Variants in MINDY4 observed in about 807,000 individuals in gnomAD.
The protein encoded by MINDY4 is MINDY lysine 48 deubiquitinase 4.
In MINDY4, 68 loss-of-function variants were observed where a neutral mutation model predicts 87.0. The ratio of observed to expected loss-of-function variants is 0.78; its 90% CI spans 0.64 to 0.96. MINDY4 has a LOEUF of 0.96. MINDY4 is among the 40% of genes least tolerant of loss of function. MINDY4 has a pLI of 0.00. For synonymous variants in MINDY4, 379 were observed against 363.2 expected, an observed-to-expected ratio of 1.04 and a Z score of -0.50; for missense variants, 919 against 928.2, an observed-to-expected ratio of 0.99 and a Z score of 0.13.
At chr7:30,889,903 A>G (rs1483182285) in intron 17 of MINDY4, among the ~76,000 whole-genome samples, 1 of 152,236 alleles carries the variant, frequency 6.6e-6, no homozygotes, top group Non-Finnish European at 1.5e-5. Flanking sequence ...TCTTTTAAAA[A>G]TGTATGCAGA....
chr7:30,868,892 G>A (rs532961950), intron 13 of MINDY4, among the ~76,000 whole-genome samples: 1 of 152,304 alleles, frequency 6.6e-6, no homozygotes, highest in South Asian at 2.1e-4. Context: ...CTGACCCTTC[G>A]CTGCCAGAAT....
At chr7:30,881,348 A>G (rs117506937) in intron 15 of MINDY4, among the ~76,000 whole-genome samples, 1,969 of 152,180 alleles carry the variant, frequency 0.013, 23 homozygotes, top group Middle Eastern at 0.044. Context: ...AAACACTTCC[A>G]CCATGTGAAA....
At chr7:30,837,985 C>T (rs532654490) in intron 7 of MINDY4, among the ~76,000 whole-genome samples, 1 of 152,324 alleles carries the variant, frequency 6.6e-6, no homozygotes, top group East Asian at 1.9e-4. Context: ...AAAAAAAGAG[C>T]TGATTCTGGT....
chr7:30,832,736 G>A (rs372755867), intron 6 of MINDY4, among the ~76,000 whole-genome samples: 8 of 152,080 alleles, frequency 5.3e-5, no homozygotes, highest in African/African-American at 1.7e-4. Flanking sequence ...TCTTAAACTC[G>A]ACCTCAGGTG....
intron 6 of MINDY4, among the ~76,000 whole-genome samples, chr7:30,836,423 G>A (rs985200080): frequency 6.6e-6 from 1 of 152,202 alleles, no homozygotes; most frequent in African/African-American, 2.4e-5. Flanking sequence ...CATCCTCGTG[G>A]TATGAACAGA....
At chr7:30,803,632 T>G (rs1183603272) in intron 5 of MINDY4, among the ~76,000 whole-genome samples, 1 of 152,082 alleles carries the variant, frequency 6.6e-6, no homozygotes, top group African/African-American at 2.4e-5. Context: ...CAGGCCTTAT[T>G]ACTGTGCCTG....
In MINDY4 at chr7:30,785,895, C is replaced by T. The variant is rs1293204694; in HGVS notation, c.566C>T (p.Pro189Leu). Residue 189 changes from proline (P) to leucine (L), a missense_variant, in exon 4 of 18, where the codon CCT (proline) becomes CTT (leucine). Coordinates refer to ENST00000265299, the MANE Select transcript of MINDY4 (RefSeq NM_032222.3). ...AAGATAGACAAGCTTCACTCGGAGC[C>T]TTCCTTGGATGTGAAGAGGATGGGA... ...WEKIDKLHSEPSLDVKRMGEN... is the reference protein window; with the variant it reads ...WEKIDKLHSELSLDVKRMGEN... The T allele has an allele frequency of 6.2e-7, 1 of 1,614,106 alleles. No homozygotes were observed. The highest frequency in any genetic ancestry group is 1.7e-5 in the Admixed American group (1 of 60,016).
intron 1 of MINDY4, among the ~76,000 whole-genome samples, chr7:30,775,626 G>A (rs1333014534): frequency 6.6e-6 from 1 of 152,132 alleles, no homozygotes; most frequent in Non-Finnish European, 1.5e-5. Context: ...TGGGAGGTAG[G>A]GCTGAAAGTT....
intron 6 of MINDY4, 107 bp downstream of exon 6, chr7:30,828,844 C>G (rs1472251942): frequency 2.0e-6 from 2 of 995,470 alleles, no homozygotes; most frequent in Non-Finnish European, 3.1e-6. Context: ...TCCACCTGAC[C>G]TCAGCGAGTG....
intron 6 of MINDY4, among the ~76,000 whole-genome samples, chr7:30,830,504 TGGCAGAAGGG>T (rs1788667346): frequency 6.6e-6 from 1 of 152,116 alleles, no homozygotes; most frequent in Non-Finnish European, 1.5e-5. Context: ...CTTACAATCG[TGGCAGAAGGG>T]GAAGCAAACA....
In MINDY4 at chr7:30,812,026, C is replaced by A. The variant is rs545462186; in HGVS notation, c.1074-16653C>A. On this transcript the variant is annotated intron_variant, in intron 5 of 17. Coordinates refer to ENST00000265299, the MANE Select transcript of MINDY4 (RefSeq NM_032222.3). ...AAGACATTACTACTGATTTATTATT[C>A]TTCTTTTTAAAGAAAATAACTACAA... Among the ~76,000 whole-genome samples, 64 of 152,252 alleles carry A rather than the reference C, an allele frequency of 4.2e-4. No individual in the cohort carries two copies. The South Asian group carries it at 4.6e-3, about 11-fold the overall frequency.
At chr7:30,812,313 G>A (rs900621912) in intron 5 of MINDY4, among the ~76,000 whole-genome samples, 3 of 151,538 alleles carry the variant, frequency 2.0e-5, no homozygotes, top group African/African-American at 4.8e-5. Flanking sequence ...GAAAAAAAAA[G>A]TAAGGCAAAT....
chr7:30,779,682 G>A (rs528141544), intron 2 of MINDY4: 1 of 152,354 alleles, frequency 6.6e-6, no homozygotes, highest in East Asian at 1.9e-4. Context: ...GCCAGAGAGA[G>A]TTGGCTATCC....
chr7:30,784,903 C>T lies in MINDY4; in HGVS notation c.420-846C>T, dbSNP rs556736765. Among the ~76,000 whole-genome samples, 58 of 152,266 alleles carry T rather than the reference C, an allele frequency of 3.8e-4. No individual in the cohort carries two copies. In the South Asian group the frequency reaches 0.012, roughly 31 times the overall value. On this transcript the variant is annotated intron_variant, in intron 3 of 17. Coordinates refer to ENST00000265299, the MANE Select transcript of MINDY4 (RefSeq NM_032222.3). ...CTTGGCATAGGGTAGGGGGCAATAC[C>T]CATTTATGGCAGAGCCCAGTGGTAG... is the stretch of plus-strand genomic sequence containing the variant.
At chr7:30,803,403 A>G (rs1787716443) in intron 5 of MINDY4, 1 of 152,244 alleles carries the variant, frequency 6.6e-6, no homozygotes, top group African/African-American at 2.4e-5. Context: ...TAAGAAGTTC[A>G]TAGAAGAGCA....
chr7:30,883,367 C>T (rs915838192), intron 17 of MINDY4, among the ~76,000 whole-genome samples: 2 of 152,126 alleles, frequency 1.3e-5, no homozygotes, highest in Admixed American at 6.5e-5. Flanking sequence ...GAGGCTTGAG[C>T]AGGATAGGAA....
At chr7:30,817,884 G>A (rs1267763447) in intron 5 of MINDY4, among the ~76,000 whole-genome samples, 3 of 152,188 alleles carry the variant, frequency 2.0e-5, no homozygotes, top group African/African-American at 4.8e-5. Flanking sequence ...TGGGAGAGTG[G>A]TAGGAGTGCC....
chr7:30,834,708 T>G (rs1788806694), intron 6 of MINDY4, among the ~76,000 whole-genome samples: 1 of 152,234 alleles, frequency 6.6e-6, no homozygotes, highest in African/African-American at 2.4e-5. Flanking sequence ...CTTATAAAAC[T>G]GGATGCCTTT....
chr7:30,819,971 G>A (rs1384307095), intron 5 of MINDY4, among the ~76,000 whole-genome samples: 3 of 138,828 alleles, frequency 2.2e-5, no homozygotes, highest in African/African-American at 5.5e-5. Flanking sequence ...GCGGGATCTC[G>A]GCTCACTGCA....
Sources: allele counts gnomAD v4.1 joint callset (sites outside exome capture counted in the v4.1 genomes callset), GRCh38; gene constraint gnomAD v4.1.1; transcripts MANE v1.5; gene names NCBI Gene and HGNC (gene_info 2026-07-23, HGNC 2026-07-21).